Variants in ERAP1 observed in about 807,000 individuals in gnomAD.
ERAP1 encodes the protein endoplasmic reticulum aminopeptidase 1.
Under a neutral mutation model 103.7 loss-of-function variants are expected in ERAP1, and 86 were observed. The observed-to-expected ratio is 0.83, with a 90% CI of 0.70 to 0.99. The LOEUF (loss-of-function observed/expected upper bound fraction) is 0.99. ERAP1 is among the 50% of genes least tolerant of loss of function. The pLI is 0.00. For missense variants in ERAP1, 1,009 were observed against 1,128.4 expected (o/e 0.89, Z 1.52); for synonymous variants, 398 against 402.4 (o/e 0.99, Z 0.13).
At chr5:96,847,289 A>G in the ERAP1 span, among the ~76,000 whole-genome samples, 1 of 151,786 alleles carries the variant, frequency 6.6e-6, no homozygotes, top group Non-Finnish European at 1.5e-5. Flanking sequence ...TGAGACAAAT[A>G]CAGCTTTCAA....
At chr5:96,871,698 A>G in the ERAP1 span, among the ~76,000 whole-genome samples, 1 of 152,220 alleles carries the variant, frequency 6.6e-6, no homozygotes, top group African/African-American at 2.4e-5. Context: ...GTAAAATAGC[A>G]GTTGTTCAAT....
At chr5:96,815,539 G>A in the ERAP1 span, among the ~76,000 whole-genome samples, 1 of 151,468 alleles carries the variant, frequency 6.6e-6, no homozygotes, top group Non-Finnish European at 1.5e-5. Context: ...AGCCTCCTGA[G>A]TAGCTGGGAT....
chr5:96,767,937 G>A (rs1561623763), intron 19 of ERAP1: 1 of 1,613,272 alleles, frequency 6.2e-7, no homozygotes, highest in Admixed American at 1.7e-5. Context: ...CCCCATTGAT[G>A]CTCTCTCAGG....
the ERAP1 span, among the ~76,000 whole-genome samples, chr5:96,856,349 A>AAAAAAATATATATATATATATATATATAT: frequency 1.2e-4 from 1 of 8,538 alleles, no homozygotes; most frequent in Non-Finnish European, 2.3e-4. Flanking sequence ...AAAAAAAAAA[A>AAAAAAATATATATATATATATATATATAT]ATATATATAT....
At chr5:96,924,271 C>T in the ERAP1 span, among the ~76,000 whole-genome samples, 5 of 152,326 alleles carry the variant, frequency 3.3e-5, no homozygotes, top group Middle Eastern at 3.4e-3. Flanking sequence ...AGGCCCTGCA[C>T]ACCAGGGGCC....
At chr5:96,818,138 G>A in the ERAP1 span, among the ~76,000 whole-genome samples, 2 of 152,138 alleles carry the variant, frequency 1.3e-5, no homozygotes, top group Non-Finnish European at 2.9e-5. Flanking sequence ...TGAAAGACAC[G>A]GGGCACTTGG....
chr5:96,781,685 G>C lies in ERAP1; in HGVS notation c.2447+8C>G. On this transcript the variant is annotated splice_region_variant and intron_variant, in intron 16 of 18. Coordinates refer to ENST00000443439, the MANE Select transcript of ERAP1 (RefSeq NM_001040458.3). ...GGCCACATGAACATGAATGAATGAC[G>C]GACTCACCATTGAAGCTTTTCCTTA... 6.2e-7 allele frequency: 1 copy of C among 1,613,936 alleles called. No individual in the cohort carries two copies. The highest frequency in any genetic ancestry group is 8.5e-7 in the Non-Finnish European group (1 of 1,179,964).
At chr5:96,855,761 AG>A in the ERAP1 span, among the ~76,000 whole-genome samples, 1 of 152,224 alleles carries the variant, frequency 6.6e-6, no homozygotes, top group Admixed American at 6.5e-5. Flanking sequence ...CACAGTCAAG[AG>A]TGAATCTGAG....
the ERAP1 span, among the ~76,000 whole-genome samples, chr5:96,828,889 C>A: frequency 6.6e-6 from 1 of 152,016 alleles, no homozygotes; most frequent in African/African-American, 2.4e-5. Context: ...ACTCTGTCAC[C>A]AGGCTGGAGT....
chr5:96,885,548 G>T, the ERAP1 span, among the ~76,000 whole-genome samples: 1 of 152,146 alleles, frequency 6.6e-6, no homozygotes, highest in Admixed American at 6.5e-5. Flanking sequence ...AAAAACATTT[G>T]CCATCAAAGT....
chr5:96,888,164 A>AG, the ERAP1 span, among the ~76,000 whole-genome samples: 1 of 149,682 alleles, frequency 6.7e-6, no homozygotes, highest in Non-Finnish European at 1.5e-5. Flanking sequence ...AAAAGAAAAA[A>AG]AAAGAAAAAT....
At chr5:96,898,060 G>C in the ERAP1 span, among the ~76,000 whole-genome samples, 3 of 152,118 alleles carry the variant, frequency 2.0e-5, no homozygotes, top group African/African-American at 7.2e-5. Context: ...GCTTGGCATG[G>C]TGGTGCTTGC....
chr5:96,783,153 C>G lies in ERAP1; in HGVS notation c.2183G>C (p.Arg728Pro), dbSNP rs201805082. Reference sequence around the variant, plus strand: ...ACAGGCGAGGAGTAGTAGTTGACTCCGCAGCATTCGCTCTGAGACTGAGCC... The same window carrying G: ...ACAGGCGAGGAGTAGTAGTTGACTCGGCAGCATTCGCTCTGAGACTGAGCC... ...DEGSVSERML[R>P]SQLLLLACVH... Residue 728 changes from arginine to proline, a missense_variant, in exon 15 of 19, where the codon CGG (arginine) becomes CCG (proline). Arg to Pro is a moderately radical substitution (Grantham distance 103). This residue lies in a region of ERAP1 where 611 missense variants were observed against 651.7 expected (regional missense o/e 0.94). Coordinates refer to ENST00000443439, the MANE Select transcript of ERAP1 (RefSeq NM_001040458.3). 6.2e-7 allele frequency: 1 copy of G among 1,614,182 alleles called. No homozygotes were observed. Among genetic ancestry groups the G allele is most frequent in the African/African-American group, 1.3e-5 (1 of 75,030 alleles).
chr5:96,877,919 T>C, the ERAP1 span, among the ~76,000 whole-genome samples: 1 of 152,212 alleles, frequency 6.6e-6, no homozygotes, highest in Non-Finnish European at 1.5e-5. Flanking sequence ...ATATTGCAAA[T>C]TGAAAAATTG....
the ERAP1 span, among the ~76,000 whole-genome samples, chr5:96,859,717 G>A: frequency 6.6e-6 from 1 of 152,150 alleles, no homozygotes; most frequent in Non-Finnish European, 1.5e-5. Context: ...TTGTTCTGAG[G>A]ATCAATGACA....
At chr5:96,856,349 AATATATAT>A in the ERAP1 span, among the ~76,000 whole-genome samples, 39 of 8,538 alleles carry the variant, frequency 4.6e-3, no homozygotes, top group Non-Finnish European at 7.3e-3. Context: ...AAAAAAAAAA[AATATATAT>A]ATATATATAG....
chr5:96,856,312 C>A, the ERAP1 span, among the ~76,000 whole-genome samples: 1 of 67,628 alleles, frequency 1.5e-5, no homozygotes, highest in African/African-American at 6.0e-5. Context: ...GGGTGAGACT[C>A]CGTCTCAAAA....
At chr5:96,932,239 G>A in the ERAP1 span, among the ~76,000 whole-genome samples, 1 of 152,286 alleles carries the variant, frequency 6.6e-6, no homozygotes, top group Non-Finnish European at 1.5e-5. Flanking sequence ...ACCTCATGAT[G>A]GTCAGCCTTG....
chr5:96,861,091 T>C, the ERAP1 span, among the ~76,000 whole-genome samples: 1 of 152,220 alleles, frequency 6.6e-6, no homozygotes, highest in Non-Finnish European at 1.5e-5. Context: ...AGTCTGTTTC[T>C]ACAGCCTTCC....
Sources: allele counts gnomAD v4.1 joint callset (sites outside exome capture counted in the v4.1 genomes callset), GRCh38; gene constraint gnomAD v4.1.1; regional missense constraint gnomAD v4.1.1; transcripts MANE v1.5; gene names NCBI Gene and HGNC (gene_info 2026-07-23, HGNC 2026-07-21).